The following SPTBN4 variants were observed in gnomAD, a reference collection of about 807,000 sequenced individuals.
SPTBN4 encodes spectrin beta, non-erythrocytic 4.
Under a neutral mutation model 277.8 loss-of-function variants are expected in SPTBN4, and 96 were observed. The observed-to-expected ratio is 0.35, with a 90% CI of 0.29 to 0.41. SPTBN4 has a LOEUF of 0.41. Ranked by LOEUF, SPTBN4 falls within the 10% of genes least tolerant of loss-of-function variation. The probability of loss-of-function intolerance (pLI) is 1.00; values close to 1 mark genes in which losing one functional copy is unlikely to be tolerated. For missense variants in SPTBN4, 3,006 were observed against 3,595.7 expected (o/e 0.84, Z 4.19); for synonymous variants, 1,481 against 1,580.3 (o/e 0.94, Z 1.49).
At position 40,531,464 on chromosome 19, in the gene SPTBN4, G is replaced by GTTTTT. The variant is rs71173645; in HGVS notation, c.3949-1130_3949-1126dup. 4.7e-3 allele frequency among the ~76,000 whole-genome samples: 193 copies of GTTTTT among 40,924 alleles called. 33 individuals are homozygous for GTTTTT. Among genetic ancestry groups the GTTTTT allele is most frequent in the East Asian group, 0.028 (20 of 712 alleles). The allele number at this position is 40,924 out of a possible 152,430, so 26.8% of individuals were successfully genotyped here. On this transcript the variant is annotated intron_variant, in intron 18 of 35. Transcript: ENST00000598249. ...ACCGCGGAGCTGGAGTCCAGTGTTT[G>GTTTTT]TTTTTTTTTTTTTTTTTTTTTTTTT...
chr19:40,560,460 C>T lies in SPTBN4; in HGVS notation c.5915+57C>T, dbSNP rs2081031011. On this transcript the variant is annotated intron_variant, in intron 27 of 35. Coordinates refer to ENST00000598249, the MANE Select transcript of SPTBN4 (RefSeq NM_020971.3). The surrounding 1 kb of genome is among the most constrained non-coding windows in gnomAD (Gnocchi z 5.2). ...TCCCCCTGGTGGCCTACCCCAGCCA[C>T]CCCCAGCCCATTGACAGCCCCCTTC... 2 of 1,610,394 alleles carry T rather than the reference C, an allele frequency of 1.2e-6. No individual in the cohort carries two copies. Among genetic ancestry groups the T allele is most frequent in the African/African-American group, 1.3e-5 (1 of 74,878 alleles).
intron 20 of SPTBN4, among the ~76,000 whole-genome samples, chr19:40,536,907 C>T (rs1280705042): frequency 1.3e-5 from 2 of 151,982 alleles, no homozygotes; most frequent in Non-Finnish European, 2.9e-5. Context: ...TCCCTCAGTC[C>T]CGCAAGTAGC....
intron 20 of SPTBN4, among the ~76,000 whole-genome samples, chr19:40,543,080 C>T (rs1180954784): frequency 6.6e-6 from 1 of 152,160 alleles, no homozygotes. Flanking sequence ...CCAGGATGCC[C>T]GGCCTACCTC....
chr19:40,474,151 CAAAAAAAAAAAAA>C (rs71173641), intron 2 of SPTBN4, among the ~76,000 whole-genome samples: 5 of 34,474 alleles, frequency 1.5e-4, no homozygotes, highest in South Asian at 2.3e-3. Flanking sequence ...GAACCTATCT[CAAAAAAAAAAAAA>C]AAAAAAAAAA....
At position 40,575,654 on chromosome 19, in the gene SPTBN4, G is replaced by C. The variant is rs557052011; in HGVS notation, c.*85G>C. 7 of 1,453,122 alleles carry C rather than the reference G, an allele frequency of 4.8e-6. No individual in the cohort carries two copies. The South Asian group carries it at 8.1e-5, about 17-fold the overall frequency. 90.0% of individuals were successfully genotyped at this position (1,453,122 alleles called of 1,614,324 possible). ...AAGACACTTTTTCTTCCGCAGGGGC[G>C]GGAGCCCCTAGTTCCAACACTGAGG... On this transcript the variant is annotated 3_prime_UTR_variant, in exon 36 of 36. Transcript: ENST00000598249.
At chr19:40,482,149 C>T (rs571409555) in intron 2 of SPTBN4, among the ~76,000 whole-genome samples, 1 of 152,092 alleles carries the variant, frequency 6.6e-6, no homozygotes, top group African/African-American at 2.4e-5. Context: ...GTTGGCCAGG[C>T]TGGTCTCGAA....
rs1173561690 is a variant in SPTBN4, at chr19:40,534,253, C to T, written c.4269C>T (p.Asp1423=). The part of the protein sequence containing the change: ...DQLVQSFAEL[D]KKLLHMESQL... Reference sequence around the variant, plus strand: ...TGGTGCAGAGCTTTGCTGAGCTGGACAAGAAGCTCCTTCACATGGAGAGCC... The same window carrying T: ...TGGTGCAGAGCTTTGCTGAGCTGGATAAGAAGCTCCTTCACATGGAGAGCC... The change falls in exon 20 of 36, where the codon GAC becomes GAT. Residue 1423 remains aspartate (D), a synonymous_variant. Coordinates refer to ENST00000598249, the MANE Select transcript of SPTBN4 (RefSeq NM_020971.3). 1 of 1,614,182 alleles carries T rather than the reference C, an allele frequency of 6.2e-7. No homozygotes were observed. The highest frequency in any genetic ancestry group is 1.1e-5 in the South Asian group (1 of 91,082).
rs191833523 is a variant in SPTBN4, at chr19:40,500,708, G to C, written c.785-1213G>C. Among the ~76,000 whole-genome samples the C allele has an allele frequency of 5.3e-5, 8 of 152,186 alleles. No homozygotes were observed. In the East Asian group the frequency reaches 1.2e-3, roughly 22 times the overall value. On this transcript the variant is annotated intron_variant, in intron 7 of 35. Coordinates refer to ENST00000598249, the MANE Select transcript of SPTBN4 (RefSeq NM_020971.3). ...AAAAATTACAAAAAATTAGCCGGGC[G>C]TGGTGGTGTGTGCCTGTAATCTCAG...
intron 22 of SPTBN4, among the ~76,000 whole-genome samples, chr19:40,553,416 A>T (rs186306762): frequency 6.6e-6 from 1 of 152,296 alleles, no homozygotes; most frequent in African/African-American, 2.4e-5. Context: ...CAGGAGTTTA[A>T]AGCTGCTGCA....
chr19:40,531,637 G>T (rs928526757), intron 18 of SPTBN4, among the ~76,000 whole-genome samples: 7 of 151,210 alleles, frequency 4.6e-5, no homozygotes, highest in African/African-American at 1.2e-4. Context: ...ACTGGAGGGG[G>T]TTGGGGGAGG....
intron 25 of SPTBN4, 21 bp from the exon 26 acceptor site, chr19:40,557,002 C>A (rs773555561): frequency 2.6e-6 from 4 of 1,524,988 alleles, no homozygotes; most frequent in South Asian, 1.3e-5. Context: ...CTGTACCCCC[C>A]CCCCCACTTC....
chr19:40,526,235 C>T (rs762638336), intron 17 of SPTBN4, among the ~76,000 whole-genome samples: 1 of 143,606 alleles, frequency 7.0e-6, no homozygotes, highest in African/African-American at 2.6e-5. Flanking sequence ...TGTAGTGGCG[C>T]GATCTCGCCT....
At chr19:40,512,236 A>T (rs1285785408) in intron 13 of SPTBN4, among the ~76,000 whole-genome samples, 1 of 152,270 alleles carries the variant, frequency 6.6e-6, no homozygotes, top group Non-Finnish European at 1.5e-5. Flanking sequence ...TCCATCATTC[A>T]GTCAACAAAT....
At chr19:40,538,498 C>T (rs1297984953) in intron 20 of SPTBN4, among the ~76,000 whole-genome samples, 1 of 152,168 alleles carries the variant, frequency 6.6e-6, no homozygotes, top group African/African-American at 2.4e-5. Flanking sequence ...CTCTGGGCTT[C>T]CCTTTGTCAG....
chr19:40,490,323 A>T lies in SPTBN4; in HGVS notation c.495+75A>T. 1 of 1,501,102 alleles carries T rather than the reference A, an allele frequency of 6.7e-7. No individual in the cohort carries two copies. Among genetic ancestry groups the T allele is most frequent in the Non-Finnish European group, 9.0e-7 (1 of 1,114,590 alleles). The allele number at this position is 1,501,102 out of a possible 1,614,324, so 93.0% of individuals were successfully genotyped here. A position where few individuals can be genotyped will look rare whatever the true frequency, so the allele number is the denominator to read the frequency against. On this transcript the variant is annotated intron_variant, in intron 4 of 35. Coordinates refer to ENST00000598249, the MANE Select transcript of SPTBN4 (RefSeq NM_020971.3). The surrounding 1 kb of genome is among the most constrained non-coding windows in gnomAD (Gnocchi z 4.3). ...AGCGTTCCCCACCATTTACCCATTC[A>T]TTCTTTCCTTCCAATAATATCCTAA...
chr19:40,515,411 G>A lies in SPTBN4; in HGVS notation c.2866G>A (p.Asp956Asn). ...ELVEGGHPSS[D>N]EVRSCQDHLN... Reference sequence around the variant, plus strand: ...GGTGGAAGGAGGCCACCCCAGTTCAGATGAGGTGCGTTCCTGCCAGGACCA... The same window carrying A: ...GGTGGAAGGAGGCCACCCCAGTTCAAATGAGGTGCGTTCCTGCCAGGACCA... The change falls in exon 15 of 36, where the codon GAT (aspartate) becomes AAT (asparagine). Residue 956 changes from aspartate to asparagine, a missense_variant. Around this residue, in one of 5 missense-constraint regions of SPTBN4, gnomAD observed 1,759 missense variants for 2,061.5 expected, o/e 0.85. Transcript: ENST00000598249. The surrounding 1 kb of genome is among the most constrained non-coding windows in gnomAD (Gnocchi z 4.1). 2 of 1,584,380 alleles carry A rather than the reference G, an allele frequency of 1.3e-6. No homozygotes were observed. Among genetic ancestry groups the A allele is most frequent in the Non-Finnish European group, 1.7e-6 (2 of 1,164,998 alleles).
chr19:40,572,746 G>T (rs545391899), intron 35 of SPTBN4: 291 of 199,550 alleles, frequency 1.5e-3, no homozygotes, highest in Non-Finnish European at 2.4e-3. Context: ...ATCACCTGAG[G>T]TCAGGAGTTT....
chr19:40,520,600 G>A (rs1384061648), intron 16 of SPTBN4, among the ~76,000 whole-genome samples: 2 of 152,206 alleles, frequency 1.3e-5, no homozygotes, highest in East Asian at 3.8e-4. Flanking sequence ...GGTTATTGGA[G>A]TCAGTCAGTG....
At chr19:40,526,940 A>G (rs1375756920) in intron 17 of SPTBN4, among the ~76,000 whole-genome samples, 1 of 152,134 alleles carries the variant, frequency 6.6e-6, no homozygotes, top group Non-Finnish European at 1.5e-5. Flanking sequence ...CCTCATCTCT[A>G]GGACTGATGC....
Sources: allele counts gnomAD v4.1 joint callset (sites outside exome capture counted in the v4.1 genomes callset), GRCh38; gene constraint gnomAD v4.1.1; regional missense constraint gnomAD v4.1.1; non-coding constraint Gnocchi (gnomAD v3.1); transcripts MANE v1.5; gene names NCBI Gene and HGNC (gene_info 2026-07-23, HGNC 2026-07-21).